Variants in ENTREP2 observed in about 807,000 individuals in gnomAD.
The protein encoded by ENTREP2 is protein ENTREP2.
At chr15:29,379,874 G>A in the ENTREP2 span, among the ~76,000 whole-genome samples, 1 of 152,142 alleles carries the variant, frequency 6.6e-6, no homozygotes, top group Non-Finnish European at 1.5e-5. Context: ...CTTTTCCTTT[G>A]TTTAGAGAGC....
the ENTREP2 span, among the ~76,000 whole-genome samples, chr15:29,662,579 C>G: frequency 6.6e-6 from 1 of 152,192 alleles, no homozygotes; most frequent in African/African-American, 2.4e-5. Context: ...AGAAGACTCC[C>G]TCTTCTTCTC....
chr15:29,446,756 G>A, the ENTREP2 span, among the ~76,000 whole-genome samples: 2 of 152,214 alleles, frequency 1.3e-5, no homozygotes, highest in Non-Finnish European at 2.9e-5. Context: ...AGACTCTAGG[G>A]CTGAATCCAT....
the ENTREP2 span, among the ~76,000 whole-genome samples, chr15:29,596,793 C>T: frequency 3.9e-5 from 6 of 152,148 alleles, no homozygotes; most frequent in East Asian, 1.9e-4. Context: ...CTCAGCTTCC[C>T]GAGTAGCTGG....
the ENTREP2 span, among the ~76,000 whole-genome samples, chr15:29,556,661 C>T: frequency 6.6e-6 from 1 of 152,166 alleles, no homozygotes; most frequent in Non-Finnish European, 1.5e-5. Flanking sequence ...TTCTGTCTCT[C>T]CTGCCTTCTC....
the ENTREP2 span, chr15:29,136,331 C>A: frequency 6.8e-7 from 1 of 1,466,120 alleles, no homozygotes; most frequent in Admixed American, 2.9e-5. Flanking sequence ...AGCATTCCCA[C>A]GGGAACTGGC....
chr15:29,657,481 GGC>G, the ENTREP2 span, among the ~76,000 whole-genome samples: 19 of 113,860 alleles, frequency 1.7e-4, no homozygotes, highest in South Asian at 5.2e-3. Flanking sequence ...CGGCTGGGGG[GGC>G]GGGGGGGGGG....
At chr15:29,282,630 C>A in the ENTREP2 span, among the ~76,000 whole-genome samples, 1 of 152,102 alleles carries the variant, frequency 6.6e-6, no homozygotes, top group African/African-American at 2.4e-5. Flanking sequence ...CTCATGAATT[C>A]AATATTTTAG....
chr15:29,269,249 T>C, the ENTREP2 span: 11 of 1,614,036 alleles, frequency 6.8e-6, no homozygotes, highest in Middle Eastern at 3.3e-4. Context: ...TTGATGAGGA[T>C]GTAAGTGTTG....
the ENTREP2 span, among the ~76,000 whole-genome samples, chr15:29,253,094 T>A: frequency 6.6e-6 from 1 of 152,208 alleles, no homozygotes; most frequent in Admixed American, 6.5e-5. Flanking sequence ...AGTCATCATA[T>A]CTATAATAAA....
the ENTREP2 span, chr15:29,269,470 G>A: frequency 6.2e-7 from 1 of 1,612,628 alleles, no homozygotes; most frequent in Non-Finnish European, 8.5e-7. Flanking sequence ...CTGGCTCCTG[G>A]GCCCCACGGC....
At chr15:29,500,703 T>A in the ENTREP2 span, among the ~76,000 whole-genome samples, 1 of 151,718 alleles carries the variant, frequency 6.6e-6, no homozygotes, top group African/African-American at 2.4e-5. Context: ...CATAAGAAAC[T>A]TAAAAAAGAG....
At chr15:29,411,314 A>G in the ENTREP2 span, among the ~76,000 whole-genome samples, 30 of 151,570 alleles carry the variant, frequency 2.0e-4, no homozygotes, top group African/African-American at 6.5e-4. Context: ...ACCCATTTCC[A>G]CTCCCACCAA....
At chr15:29,124,870 A>G in the ENTREP2 span, 4 of 980,116 alleles carry the variant, frequency 4.1e-6, no homozygotes, top group African/African-American at 1.6e-5. Context: ...AGCAAGCAGG[A>G]GAAGCCTGCT....
At chr15:29,181,737 A>G in the ENTREP2 span, among the ~76,000 whole-genome samples, 1 of 152,202 alleles carries the variant, frequency 6.6e-6, no homozygotes, top group Non-Finnish European at 1.5e-5. Flanking sequence ...ACACACATGC[A>G]TATATACTTA....
chr15:29,157,873 G>A, the ENTREP2 span, among the ~76,000 whole-genome samples: 3 of 151,976 alleles, frequency 2.0e-5, no homozygotes, highest in Non-Finnish European at 2.9e-5. Flanking sequence ...GGGATTACAG[G>A]CATACGCCAC....
chr15:29,309,474 C>T, the ENTREP2 span, among the ~76,000 whole-genome samples: 2 of 152,102 alleles, frequency 1.3e-5, no homozygotes, highest in African/African-American at 4.8e-5. Context: ...CCCTGGCTTT[C>T]TTCTCTATAG....
the ENTREP2 span, among the ~76,000 whole-genome samples, chr15:29,638,801 GC>G: frequency 6.6e-6 from 1 of 152,092 alleles, no homozygotes; most frequent in Non-Finnish European, 1.5e-5. Flanking sequence ...GGCATTCATT[GC>G]CTTTCCTTTA....
At chr15:29,305,617 T>C in the ENTREP2 span, among the ~76,000 whole-genome samples, 1 of 152,072 alleles carries the variant, frequency 6.6e-6, no homozygotes, top group Non-Finnish European at 1.5e-5. Context: ...AGGGTAACTG[T>C]TGAAGTTTTG....
At chr15:29,483,719 A>G in the ENTREP2 span, among the ~76,000 whole-genome samples, 2 of 152,332 alleles carry the variant, frequency 1.3e-5, no homozygotes, top group African/African-American at 4.8e-5. Flanking sequence ...TTAGTCCTCT[A>G]ATTTGGTTGA....
Sources: allele counts gnomAD v4.1 joint callset (sites outside exome capture counted in the v4.1 genomes callset), GRCh38; gene constraint gnomAD v4.1.1; transcripts MANE v1.5; gene names NCBI Gene and HGNC (gene_info 2026-07-23, HGNC 2026-07-21).